Variants in SLC1A2 observed in about 807,000 individuals in gnomAD.
SLC1A2 encodes the protein excitatory amino acid transporter 2.
SLC1A2 carries 15 observed loss-of-function variants against 48.8 expected under a neutral mutation model. That is an observed-to-expected ratio of 0.31 (90% CI 0.21 to 0.47). The LOEUF (loss-of-function observed/expected upper bound fraction) is 0.47, where lower values mean the gene tolerates loss of function less well. Among genes scored for constraint, SLC1A2 ranks in the 20% least tolerant of loss-of-function variants. SLC1A2 has a pLI of 0.99. For synonymous variants in SLC1A2, 279 were observed against 272.6 expected, an observed-to-expected ratio of 1.02 and a Z score of -0.23; for missense variants, 502 against 730.5, an observed-to-expected ratio of 0.69 and a Z score of 3.61.
chr11:35,381,179 C>T (rs1004400196), intron 1 of SLC1A2, among the ~76,000 whole-genome samples: 2 of 152,094 alleles, frequency 1.3e-5, no homozygotes, highest in Admixed American at 6.6e-5. Flanking sequence ...GTCATCCCAT[C>T]GTGTGATTGT....
intron 1 of SLC1A2, among the ~76,000 whole-genome samples, chr11:35,356,901 A>T (rs1228436937): frequency 6.6e-6 from 1 of 152,224 alleles, no homozygotes; most frequent in African/African-American, 2.4e-5. Context: ...TACTCATTTA[A>T]TTTGCTCATT....
At chr11:35,323,400 A>G (rs553596836) in intron 1 of SLC1A2, 1 of 152,860 alleles carries the variant, frequency 6.5e-6, no homozygotes, top group East Asian at 1.9e-4. Flanking sequence ...AACTGCTATG[A>G]AATGGTAAAA....
chr11:35,325,526 G>A (rs1852212812), intron 1 of SLC1A2, among the ~76,000 whole-genome samples: 1 of 152,208 alleles, frequency 6.6e-6, no homozygotes, highest in African/African-American at 2.4e-5. Flanking sequence ...GGATGATTAG[G>A]TTAAAATATG....
chr11:35,298,361 T>G (rs1276474293), intron 6 of SLC1A2: 1 of 152,196 alleles, frequency 6.6e-6, no homozygotes, highest in Non-Finnish European at 1.5e-5. Flanking sequence ...ATTATAATCT[T>G]TTCAATGTTA....
At chr11:35,322,495 G>T in intron 1 of SLC1A2, 4 of 959,160 alleles carry the variant, frequency 4.2e-6, no homozygotes, top group South Asian at 1.4e-5. Flanking sequence ...ACACTCCCCA[G>T]GGAGCCTAAA....
At chr11:35,371,334 C>T (rs931157426) in intron 1 of SLC1A2, among the ~76,000 whole-genome samples, 1 of 152,214 alleles carries the variant, frequency 6.6e-6, no homozygotes, top group East Asian at 1.9e-4. Flanking sequence ...CATGGTCCAG[C>T]TGGACCCTCA....
In SLC1A2 at chr11:35,355,711, C is replaced by T. The variant is rs889274342; in HGVS notation, c.18-38195G>A. 2.0e-5 allele frequency among the ~76,000 whole-genome samples: 3 copies of T among 152,186 alleles called. No individual in the cohort carries two copies. In the East Asian group the frequency reaches 5.8e-4, roughly 29 times the overall value. On this transcript the variant is annotated intron_variant, in intron 1 of 10. Transcript: ENST00000278379. ...ACCAGCCTAGTCAACATGGTGAAAC[C>T]CCACCTCTACTAAAAATACAAAAAT...
At chr11:35,355,335 T>G (rs1277293947) in intron 1 of SLC1A2, among the ~76,000 whole-genome samples, 1 of 152,174 alleles carries the variant, frequency 6.6e-6, no homozygotes, top group African/African-American at 2.4e-5. Flanking sequence ...CTGACTTCCC[T>G]CCTCCCAACC....
rs1409150156 is a variant in SLC1A2, at chr11:35,286,740, T to C, written c.1286+17A>G. ...ACAGGGTAGAGGTTGTTTTGTGTTT[T>C]ACCCCACCCTTCTCACCTTACAGTC... On this transcript the variant is annotated intron_variant, in intron 8 of 10. Coordinates refer to ENST00000278379, the MANE Select transcript of SLC1A2 (RefSeq NM_004171.4). 6 of 1,594,744 alleles carry C rather than the reference T, an allele frequency of 3.8e-6. No homozygotes were observed. Among genetic ancestry groups the C allele is most frequent in the Non-Finnish European group, 5.1e-6 (6 of 1,167,516 alleles).
intron 9 of SLC1A2, among the ~76,000 whole-genome samples, chr11:35,270,142 TA>T (rs1051383940): frequency 9.2e-5 from 14 of 152,172 alleles, no homozygotes; most frequent in Admixed American, 9.2e-4. Context: ...AATGAATTTT[TA>T]AAAAACAATA....
At chr11:35,355,900 A>C (rs1853443674) in intron 1 of SLC1A2, among the ~76,000 whole-genome samples, 1 of 152,064 alleles carries the variant, frequency 6.6e-6, no homozygotes, top group African/African-American at 2.4e-5. Context: ...AAAAAAAAAA[A>C]AAAAAAAATC....
chr11:35,334,265 T>C (rs1339639420), intron 1 of SLC1A2, among the ~76,000 whole-genome samples: 1 of 152,186 alleles, frequency 6.6e-6, no homozygotes, highest in East Asian at 1.9e-4. Flanking sequence ...GCAAACTGTT[T>C]CCTGATTTCA....
At chr11:35,328,572 C>A (rs988457819) in intron 1 of SLC1A2, among the ~76,000 whole-genome samples, 3 of 152,196 alleles carry the variant, frequency 2.0e-5, no homozygotes, top group African/African-American at 7.2e-5. Context: ...AGGATTTGAT[C>A]CCTGTCAGTC....
intron 6 of SLC1A2, chr11:35,297,987 A>C (rs1312919180): frequency 6.6e-6 from 1 of 152,208 alleles, no homozygotes; most frequent in Non-Finnish European, 1.5e-5. Flanking sequence ...CACAACTTGC[A>C]ATAGGAGGAT....
chr11:35,368,152 C>T (rs917546587), intron 1 of SLC1A2, among the ~76,000 whole-genome samples: 7 of 152,212 alleles, frequency 4.6e-5, no homozygotes, highest in Non-Finnish European at 1.0e-4. Flanking sequence ...CTCATCAATG[C>T]ACCCCCAATC....
chr11:35,310,016 T>C (rs1184587569), intron 4 of SLC1A2, among the ~76,000 whole-genome samples: 1 of 152,180 alleles, frequency 6.6e-6, no homozygotes, highest in Non-Finnish European at 1.5e-5. Context: ...AGAGCAGCCT[T>C]TGCCATGGGC....
intron 1 of SLC1A2, among the ~76,000 whole-genome samples, chr11:35,320,839 G>A (rs1565241611): frequency 6.6e-6 from 1 of 152,168 alleles, no homozygotes; most frequent in Non-Finnish European, 1.5e-5. Context: ...AAAAGACAGA[G>A]CCCTTGATAT....
rs114521389 is a variant in SLC1A2, at chr11:35,267,209, A to G, written c.1422-1451T>C. On this transcript the variant is annotated intron_variant, in intron 9 of 10. Coordinates refer to ENST00000278379, the MANE Select transcript of SLC1A2 (RefSeq NM_004171.4). ...AGTACGTGGGTTTAGGAAGGAATAC[A>G]TGATAGTAGTTAAGAAAAAGCACGA... Among the ~76,000 whole-genome samples, 913 of 152,332 alleles carry G rather than the reference A, an allele frequency of 6.0e-3. 14 individuals are homozygous for G. Among genetic ancestry groups the G allele is most frequent in the African/African-American group, 0.021 (862 of 41,568 alleles).
intron 4 of SLC1A2, among the ~76,000 whole-genome samples, chr11:35,311,879 A>AGG (rs761648245): frequency 0.033 from 2,072 of 63,276 alleles, 38 homozygotes; most frequent in Non-Finnish European, 0.054. Flanking sequence ...AAGGAGAGAG[A>AGG]GAGAGAGAGA....
Sources: gnomAD v4.1 joint callset for allele counts (sites outside exome capture counted in the v4.1 genomes callset) on GRCh38, gnomAD v4.1.1 for gene constraint, MANE v1.5 for transcripts, NCBI Gene and HGNC (gene_info 2026-07-23, HGNC 2026-07-21) for gene names.